The following TIAM1 variants were observed in gnomAD, a reference collection of about 807,000 sequenced individuals.
TIAM1 encodes TIAM Rac1 associated GEF 1.
A neutral mutation model predicts 163.5 loss-of-function variants in TIAM1; 65 were observed. The ratio of observed to expected loss-of-function variants is 0.40; its 90% CI spans 0.33 to 0.49. The LOEUF (loss-of-function observed/expected upper bound fraction) is 0.49, where lower values mean the gene tolerates loss of function less well. Ranked by LOEUF, TIAM1 falls within the 20% of genes least tolerant of loss-of-function variation. The pLI, the probability that TIAM1 is intolerant of heterozygous loss-of-function variation, is 0.77. For missense variants in TIAM1, 1,789 were observed against 2,044.7 expected (o/e 0.87, Z 2.41); for synonymous variants, 833 against 810.1 (o/e 1.03, Z -0.48).
chr21:31,461,301 T>C (rs1488237563), intron 2 of TIAM1, among the ~76,000 whole-genome samples: 7 of 151,964 alleles, frequency 4.6e-5, no homozygotes, highest in Admixed American at 3.9e-4. Context: ...CTGGTCAACA[T>C]GGTGTAACCC....
At chr21:31,254,675 G>A (rs1192738230) in intron 4 of TIAM1, among the ~76,000 whole-genome samples, 4 of 152,080 alleles carry the variant, frequency 2.6e-5, no homozygotes, top group Non-Finnish European at 4.4e-5. Context: ...ACTCCAGCCT[G>A]GGCAACAGAG....
At chr21:31,490,585 A>ATC (rs2046431127) in intron 1 of TIAM1, among the ~76,000 whole-genome samples, 1 of 152,176 alleles carries the variant, frequency 6.6e-6, no homozygotes, top group Non-Finnish European at 1.5e-5. Context: ...CCCAGCCTGA[A>ATC]ATAAGCCAGA....
chr21:31,433,790 A>G (rs1423617339), intron 2 of TIAM1, among the ~76,000 whole-genome samples: 2 of 151,858 alleles, frequency 1.3e-5, no homozygotes. Context: ...GAACCTTAAT[A>G]TTTCTAAATG....
chr21:31,552,118 C>A (rs1190929104), intron 1 of TIAM1, among the ~76,000 whole-genome samples: 1 of 127,374 alleles, frequency 7.9e-6, no homozygotes, highest in Non-Finnish European at 1.5e-5. Context: ...AGTGCAGTGG[C>A]GTGATCTCGG....
Position 31,287,318 on chromosome 21 carries a change from T to G in TIAM1, c.-188-10410A>C, listed in dbSNP as rs888208361. ...GAGTATCTATGTAGAATTTTACTGA[T>G]GATCACACATTCAGTTCAACTCAAC... On this transcript the variant is annotated intron_variant, in intron 2 of 27. Coordinates refer to ENST00000541036, the MANE Select transcript of TIAM1 (RefSeq NM_001353694.2). 2.0e-5 allele frequency among the ~76,000 whole-genome samples: 3 copies of G among 152,238 alleles called. 1 individual carries two copies. The highest frequency in any genetic ancestry group is 1.3e-4 in the Admixed American group (2 of 15,290).
chr21:31,362,394 G>A (rs1015643270), intron 2 of TIAM1, among the ~76,000 whole-genome samples: 1 of 151,356 alleles, frequency 6.6e-6, no homozygotes, highest in South Asian at 2.1e-4. Context: ...CCCAAGGTTC[G>A]CCTTTCTCTT....
chr21:31,144,672 T>C (rs1306965201), intron 20 of TIAM1, among the ~76,000 whole-genome samples: 1 of 151,212 alleles, frequency 6.6e-6, no homozygotes, highest in Non-Finnish European at 1.5e-5. Flanking sequence ...CTACTAAAAA[T>C]ACAAAAATTA....
rs538740416 is a variant in TIAM1 at position 31,190,999 on chromosome 21, C to T, written c.2576-3912G>A. 1.3e-3 allele frequency among the ~76,000 whole-genome samples: 200 copies of T among 152,308 alleles called. 1 individual carries two copies. Among genetic ancestry groups the T allele is most frequent in the South Asian group, 2.5e-3 (12 of 4,818 alleles). On this transcript the variant is annotated intron_variant, in intron 13 of 27. Coordinates refer to ENST00000541036, the MANE Select transcript of TIAM1 (RefSeq NM_001353694.2). ...GATACAGATGGGCTGAATTTCGACT[C>T]TGCGGTAGCTTTTAATCCAGAGGCA...
At chr21:31,131,005 G>T in intron 23 of TIAM1, 57 bp from the exon 24 acceptor site, 2 of 1,466,668 alleles carry the variant, frequency 1.4e-6, no homozygotes, top group African/African-American at 1.4e-5. Context: ...TTTTCCCCTT[G>T]ACATCACCAA....
At chr21:31,552,400 A>G (rs2048722386) in intron 1 of TIAM1, among the ~76,000 whole-genome samples, 1 of 152,230 alleles carries the variant, frequency 6.6e-6, no homozygotes, top group Admixed American at 6.5e-5. Context: ...GTGTGATTTA[A>G]GCAAAACCAA....
chr21:31,437,938 C>G (rs905252380), intron 2 of TIAM1, among the ~76,000 whole-genome samples: 1 of 152,162 alleles, frequency 6.6e-6, no homozygotes, highest in East Asian at 1.9e-4. Flanking sequence ...CTTACTTAAC[C>G]ATTTCTTTCT....
chr21:31,179,066 G>T (rs113058254), intron 15 of TIAM1, among the ~76,000 whole-genome samples: 4,113 of 151,422 alleles, frequency 0.027, 206 homozygotes, highest in African/African-American at 0.095. Context: ...GATTTTTGAT[G>T]ATTGTAAAAC....
chr21:31,192,553 G>C (rs2085613371), intron 13 of TIAM1, among the ~76,000 whole-genome samples: 1 of 152,120 alleles, frequency 6.6e-6, no homozygotes, highest in South Asian at 2.1e-4. Context: ...AGAGGTTGGA[G>C]TGAGCTGAGA....
chr21:31,126,702 T>G (rs981869802), intron 26 of TIAM1, among the ~76,000 whole-genome samples: 1 of 152,100 alleles, frequency 6.6e-6, no homozygotes, highest in Non-Finnish European at 1.5e-5. Context: ...ATAGGTTTCA[T>G]ATGGGAGAAG....
intron 4 of TIAM1, among the ~76,000 whole-genome samples, chr21:31,261,542 T>C (rs188560506): frequency 5.9e-4 from 90 of 152,142 alleles, no homozygotes; most frequent in African/African-American, 2.1e-3. Context: ...TGAAACCCTG[T>C]TTCTACTAAA....
chr21:31,437,588 C>G (rs2044255988), intron 2 of TIAM1, among the ~76,000 whole-genome samples: 1 of 151,842 alleles, frequency 6.6e-6, no homozygotes, highest in Non-Finnish European at 1.5e-5. Context: ...TTATAATCCC[C>G]AATGTTGGAG....
chr21:31,179,375 G>A (rs555133093), intron 15 of TIAM1, among the ~76,000 whole-genome samples: 10 of 151,496 alleles, frequency 6.6e-5, no homozygotes, highest in Admixed American at 2.6e-4. Context: ...CAACAAGACC[G>A]CAACTTCGTT....
At chr21:31,203,343 G>A (rs1234574384) in intron 11 of TIAM1, among the ~76,000 whole-genome samples, 17 of 152,126 alleles carry the variant, frequency 1.1e-4, no homozygotes. Flanking sequence ...GGCTGGTCTC[G>A]AACTCCTGAC....
chr21:31,213,760 G>C (rs984763306), intron 9 of TIAM1, among the ~76,000 whole-genome samples: 4 of 151,240 alleles, frequency 2.6e-5, no homozygotes, highest in African/African-American at 9.8e-5. Flanking sequence ...TGGGCATGGT[G>C]GCTCATGCCT....
Sources: gnomAD v4.1 joint callset for allele counts (sites outside exome capture counted in the v4.1 genomes callset) on GRCh38, gnomAD v4.1.1 for gene constraint, MANE v1.5 for transcripts, NCBI Gene and HGNC (gene_info 2026-07-23, HGNC 2026-07-21) for gene names.